The following IGSF5 variants were observed in gnomAD, a reference collection of about 807,000 sequenced individuals.
IGSF5 encodes immunoglobulin superfamily 5 like.
A neutral mutation model predicts 39.4 loss-of-function variants in IGSF5; 41 were observed. The ratio of observed to expected loss-of-function variants is 1.04; its 90% CI spans 0.81 to 1.35. IGSF5 has a LOEUF of 1.35. Ranked by LOEUF, IGSF5 falls within the 40% of genes most tolerant of loss-of-function variation. IGSF5 has a pLI of 0.00. For synonymous variants in IGSF5, 183 were observed against 175.3 expected (o/e 1.04, Z -0.34); for missense variants, 487 against 494.6 (o/e 0.98, Z 0.15).
the IGSF5 span, among the ~76,000 whole-genome samples, chr21:39,732,175 ATGTGAAGCAGGACAGGACAT>A: frequency 2.0e-5 from 3 of 152,176 alleles, no homozygotes; most frequent in African/African-American, 7.2e-5. Flanking sequence ...CAGCTGACCC[ATGTGAAGCAGGACAGGACAT>A]TACCACTGAG....
In IGSF5 at chr21:39,801,415, G is replaced by T; in HGVS notation, c.*58G>T. On this transcript the variant is annotated 3_prime_UTR_variant, in exon 9 of 9. Coordinates refer to ENST00000380588, the MANE Select transcript of IGSF5 (RefSeq NM_001080444.2). ...GCTGACAATTCAAAACACGGCGATG[G>T]CATCCTTCCTTTCCATCCTAAGACT... The T allele has an allele frequency of 8.0e-7, 1 of 1,251,856 alleles. No individual in the cohort carries two copies. The allele number at this position is 1,251,856 out of a possible 1,614,324, so 77.5% of individuals were successfully genotyped here.
chr21:39,745,662 G>C, intron 1 of IGSF5, 136 bp downstream of exon 1: 1 of 635,284 alleles, frequency 1.6e-6, no homozygotes, highest in Non-Finnish European at 2.8e-6. Flanking sequence ...AAAATTGAAA[G>C]TGGAAGCTGG....
chr21:39,723,069 A>G, the IGSF5 span, among the ~76,000 whole-genome samples: 1 of 152,346 alleles, frequency 6.6e-6, no homozygotes, highest in African/African-American at 2.4e-5. Context: ...AGCTTAAAAC[A>G]TCACACGTTT....
chr21:39,758,434 C>T (rs2080043943), intron 2 of IGSF5, among the ~76,000 whole-genome samples: 1 of 152,164 alleles, frequency 6.6e-6, no homozygotes, highest in Non-Finnish European at 1.5e-5. Context: ...TGTCCCTTCC[C>T]CTCCCTCGTT....
At chr21:39,781,743 G>A (rs143783704) in intron 5 of IGSF5, among the ~76,000 whole-genome samples, 1 of 152,262 alleles carries the variant, frequency 6.6e-6, no homozygotes, top group African/African-American at 2.4e-5. Flanking sequence ...TTGAACTACT[G>A]TTCCATCTTT....
chr21:39,746,060 T>C (rs569135484), intron 1 of IGSF5, among the ~76,000 whole-genome samples, 156 bp from the exon 2 acceptor site: 23 of 152,316 alleles, frequency 1.5e-4, no homozygotes, highest in Non-Finnish European at 1.9e-4. Flanking sequence ...GTGAGTGTTA[T>C]AGCTCTATTA....
At chr21:39,791,752 G>A (rs1601142173) in intron 6 of IGSF5, 2 of 372,766 alleles carry the variant, frequency 5.4e-6, no homozygotes, top group East Asian at 8.2e-5. Flanking sequence ...TGGTTTCTGA[G>A]AGTTGAGTAA....
At chr21:39,758,625 A>G (rs2080045102) in intron 2 of IGSF5, among the ~76,000 whole-genome samples, 2 of 152,082 alleles carry the variant, frequency 1.3e-5, no homozygotes, top group African/African-American at 4.8e-5. Flanking sequence ...GCGCTCTCCA[A>G]CGGTGTCAGC....
chr21:39,734,965 G>A, the IGSF5 span, among the ~76,000 whole-genome samples: 1 of 152,012 alleles, frequency 6.6e-6, no homozygotes, highest in Non-Finnish European at 1.5e-5. Context: ...CTGGGTTCAA[G>A]CGATTCTCCT....
intron 2 of IGSF5, chr21:39,751,217 A>G (rs1318832472): frequency 6.6e-6 from 1 of 152,260 alleles, no homozygotes. Flanking sequence ...TCTAGAGGCC[A>G]GACAAGAGTG....
chr21:39,772,449 G>T (rs1601132443), intron 4 of IGSF5, among the ~76,000 whole-genome samples: 2 of 152,142 alleles, frequency 1.3e-5, no homozygotes, highest in Non-Finnish European at 1.5e-5. Context: ...CAACAGAAAT[G>T]GATTTTCTCA....
At chr21:39,731,224 G>A in the IGSF5 span, among the ~76,000 whole-genome samples, 1 of 152,222 alleles carries the variant, frequency 6.6e-6, no homozygotes, top group Non-Finnish European at 1.5e-5. Context: ...ACACTTCTCT[G>A]TTGAGAGGTC....
At chr21:39,739,226 C>T in the IGSF5 span, among the ~76,000 whole-genome samples, 69 of 151,544 alleles carry the variant, frequency 4.6e-4, no homozygotes, top group African/African-American at 1.2e-3. Flanking sequence ...CATTGAGTCC[C>T]GCCCTCTTTT....
chr21:39,734,918 C>G, the IGSF5 span, among the ~76,000 whole-genome samples: 3 of 151,944 alleles, frequency 2.0e-5, no homozygotes, highest in Non-Finnish European at 2.9e-5. Context: ...GGCTGGAGTG[C>G]AGCGGCATGA....
the IGSF5 span, among the ~76,000 whole-genome samples, chr21:39,721,561 T>G: frequency 6.6e-6 from 1 of 152,204 alleles, no homozygotes; most frequent in Non-Finnish European, 1.5e-5. Context: ...TCAAATCAAA[T>G]TAATGTTAAT....
chr21:39,725,526 T>G, the IGSF5 span, among the ~76,000 whole-genome samples: 12 of 152,148 alleles, frequency 7.9e-5, no homozygotes, highest in Admixed American at 6.5e-4. Context: ...AGTCTTGAAA[T>G]GTGAACCAAA....
At chr21:39,714,992 G>A in the IGSF5 span, among the ~76,000 whole-genome samples, 1 of 151,926 alleles carries the variant, frequency 6.6e-6, no homozygotes, top group Non-Finnish European at 1.5e-5. Flanking sequence ...GGCCTGATGG[G>A]CCTGGGCCAG....
chr21:39,798,767 G>C (rs998372039), intron 8 of IGSF5, among the ~76,000 whole-genome samples: 1 of 152,184 alleles, frequency 6.6e-6, no homozygotes, highest in East Asian at 1.9e-4. Flanking sequence ...TGCCCCTTTG[G>C]CATCCTTTCA....
chr21:39,743,901 G>C (rs1602359096), upstream of IGSF5, among the ~76,000 whole-genome samples: 1 of 152,070 alleles, frequency 6.6e-6, no homozygotes, highest in South Asian at 2.1e-4. Flanking sequence ...CTTTCTTAGC[G>C]TCTGAGGGTC....
Sources: allele counts gnomAD v4.1 joint callset (sites outside exome capture counted in the v4.1 genomes callset), GRCh38; gene constraint gnomAD v4.1.1; transcripts MANE v1.5; gene names NCBI Gene and HGNC (gene_info 2026-07-23, HGNC 2026-07-21).